The following BRMS1L variants were observed in gnomAD, a reference collection of about 807,000 sequenced individuals.
The protein encoded by BRMS1L is breast cancer metastasis-suppressor 1-like protein.
Under a neutral mutation model 50.3 loss-of-function variants are expected in BRMS1L, and 23 were observed. The ratio of observed to expected loss-of-function variants is 0.46; its 90% CI spans 0.33 to 0.65. The LOEUF is 0.65. Ranked by LOEUF, BRMS1L falls within the 30% of genes least tolerant of loss-of-function variation. BRMS1L has a pLI of 0.02. For synonymous variants in BRMS1L, 114 were observed against 126.9 expected, an observed-to-expected ratio of 0.90 and a Z score of 0.69; for missense variants, 286 against 386.1, an observed-to-expected ratio of 0.74 and a Z score of 2.17.
chr14:35,863,339 G>T (rs1174727307), intron 5 of BRMS1L, among the ~76,000 whole-genome samples: 1 of 152,076 alleles, frequency 6.6e-6, no homozygotes, highest in Non-Finnish European at 1.5e-5. Flanking sequence ...AAGGTTTTTT[G>T]CATTGAGTGG....
At chr14:35,849,625 A>G (rs1390570999) in intron 4 of BRMS1L, among the ~76,000 whole-genome samples, 1 of 152,104 alleles carries the variant, frequency 6.6e-6, no homozygotes, top group Non-Finnish European at 1.5e-5. Flanking sequence ...GATAATGGCC[A>G]TTCTAACGGG....
intron 4 of BRMS1L, among the ~76,000 whole-genome samples, chr14:35,838,234 T>C (rs1365088837): frequency 2.0e-5 from 3 of 152,230 alleles, no homozygotes; most frequent in Middle Eastern, 3.2e-3. Flanking sequence ...TAGTATTCCA[T>C]GGTGTATATG....
chr14:35,841,998 CTT>C (rs574267347), intron 4 of BRMS1L, among the ~76,000 whole-genome samples: 54 of 112,164 alleles, frequency 4.8e-4, no homozygotes, highest in Admixed American at 6.5e-4. Context: ...GCAATCTCTG[CTT>C]TTTTTTTTTT....
At chr14:35,861,343 A>T (rs1316138936) in intron 4 of BRMS1L, among the ~76,000 whole-genome samples, 1 of 152,094 alleles carries the variant, frequency 6.6e-6, no homozygotes, top group Non-Finnish European at 1.5e-5. Flanking sequence ...AAGGCTTATC[A>T]CTCCAGCTCT....
rs2077891144 is a variant in BRMS1L, at chr14:35,829,535, A to G, written c.143-1875A>G. ...TCTGTTAAAGCATCTCTGTTCTACC[A>G]TATGTCTTTCATGTTAAACTTTCAC... On this transcript the variant is annotated intron_variant, in intron 1 of 9. Transcript: ENST00000216807. 3.9e-5 allele frequency among the ~76,000 whole-genome samples: 6 copies of G among 152,226 alleles called. No homozygotes were observed. The South Asian group carries it at 1.2e-3, about 32-fold the overall frequency.
intron 4 of BRMS1L, among the ~76,000 whole-genome samples, chr14:35,855,356 C>T (rs1422325405): frequency 1.3e-5 from 2 of 152,152 alleles, no homozygotes; most frequent in Admixed American, 6.6e-5. Context: ...CGTCCCAAAG[C>T]ATTAGGATTA....
intron 4 of BRMS1L, among the ~76,000 whole-genome samples, chr14:35,846,963 GT>G (rs200146481): frequency 6.6e-6 from 1 of 151,446 alleles, no homozygotes; most frequent in Admixed American, 6.6e-5. Context: ...TTATATTGCT[GT>G]TTTTTTAAAA....
At chr14:35,829,402 C>A (rs1390489096) in intron 1 of BRMS1L, among the ~76,000 whole-genome samples, 1 of 151,852 alleles carries the variant, frequency 6.6e-6, no homozygotes, top group Non-Finnish European at 1.5e-5. Flanking sequence ...AAATTCCATC[C>A]CAAAAAATAA....
intron 6 of BRMS1L, 46 bp downstream of exon 6, chr14:35,863,999 T>C (rs1481193819): frequency 2.7e-6 from 4 of 1,475,720 alleles, no homozygotes; most frequent in Non-Finnish European, 3.8e-6. Flanking sequence ...GATGTGCGTT[T>C]TTCCATTGTG....
chr14:35,854,793 G>A (rs2142055331), intron 4 of BRMS1L, among the ~76,000 whole-genome samples: 1 of 152,334 alleles, frequency 6.6e-6, no homozygotes, highest in Admixed American at 6.5e-5. Context: ...GTCAGAGGAT[G>A]TAGCTCCTCA....
At chr14:35,869,824 C>T (rs898464430) in intron 9 of BRMS1L, among the ~76,000 whole-genome samples, 3 of 150,490 alleles carry the variant, frequency 2.0e-5, no homozygotes, top group Non-Finnish European at 4.4e-5. Flanking sequence ...CCAGCCTCGG[C>T]GACAGAGTGA....
rs200554398 is a variant in BRMS1L at position 35,831,512 on chromosome 14, C to T, written c.233+12C>T. ...GATCTCAAAGATCAGTAAGTAGTGA[C>T]TTTAGAAGGCCATTGTCACTGAATC... On this transcript the variant is annotated intron_variant, in intron 2 of 9. Transcript: ENST00000216807. The T allele has an allele frequency of 2.1e-5, 33 of 1,591,970 alleles. No homozygotes were observed. The African/African-American group carries it at 4.3e-4, about 21-fold the overall frequency.
At chr14:35,868,111 C>T (rs1414802285) in intron 9 of BRMS1L, 79 bp downstream of exon 9, 5 of 1,395,076 alleles carry the variant, frequency 3.6e-6, no homozygotes, top group Non-Finnish European at 4.8e-6. Context: ...TTTCCTGCCT[C>T]CATAGTGTGC....
intron 6 of BRMS1L, 22 bp downstream of exon 6, chr14:35,863,975 G>GC (rs1555315871): frequency 6.4e-7 from 1 of 1,573,682 alleles, no homozygotes; most frequent in Admixed American, 1.7e-5. Flanking sequence ...CAAATTTTCT[G>GC]TTTTTTTTTC....
chr14:35,831,505 G>A lies in BRMS1L; in HGVS notation c.233+5G>A. The A allele has an allele frequency of 6.2e-7, 1 of 1,606,708 alleles. No individual in the cohort carries two copies. Among genetic ancestry groups the A allele is most frequent in the South Asian group, 1.1e-5 (1 of 90,846 alleles). On this transcript the variant is annotated splice_donor_5th_base_variant and intron_variant, in intron 2 of 9. Coordinates refer to ENST00000216807, the MANE Select transcript of BRMS1L (RefSeq NM_032352.4). Reference sequence around the variant, plus strand: ...GTTTACCGATCTCAAAGATCAGTAAGTAGTGACTTTAGAAGGCCATTGTCA... The same window carrying A: ...GTTTACCGATCTCAAAGATCAGTAAATAGTGACTTTAGAAGGCCATTGTCA...
At chr14:35,845,508 T>C (rs1178698940) in intron 4 of BRMS1L, among the ~76,000 whole-genome samples, 4 of 152,240 alleles carry the variant, frequency 2.6e-5, no homozygotes, top group Non-Finnish European at 5.9e-5. Flanking sequence ...TGACTTAGGT[T>C]GTTAATGGAT....
At chr14:35,831,554 T>C in intron 2 of BRMS1L, 54 bp downstream of exon 2, 2 of 1,311,198 alleles carry the variant, frequency 1.5e-6, no homozygotes, top group Non-Finnish European at 2.2e-6. Flanking sequence ...TTGTCACTTG[T>C]ATACTAGCAC....
intron 4 of BRMS1L, among the ~76,000 whole-genome samples, chr14:35,854,736 A>T (rs1387249579): frequency 6.6e-6 from 1 of 152,118 alleles, no homozygotes; most frequent in Non-Finnish European, 1.5e-5. Flanking sequence ...CTATGTTATG[A>T]TTCTGACCTA....
chr14:35,859,856 T>G (rs2078327602), intron 4 of BRMS1L, among the ~76,000 whole-genome samples: 1 of 151,908 alleles, frequency 6.6e-6, no homozygotes, highest in African/African-American at 2.4e-5. Context: ...CTCACTGTGT[T>G]GCCTAAGCTG....
Sources: gnomAD v4.1 joint callset for allele counts (sites outside exome capture counted in the v4.1 genomes callset) on GRCh38, gnomAD v4.1.1 for gene constraint, MANE v1.5 for transcripts, NCBI Gene and HGNC (gene_info 2026-07-23, HGNC 2026-07-21) for gene names.